Variants in ARMC2 observed in about 807,000 individuals in gnomAD.
ARMC2 encodes armadillo repeat containing 2, also known as armadillo repeat-containing protein 2.
ARMC2 carries 67 observed loss-of-function variants against 90.3 expected under a neutral mutation model. That is an observed-to-expected ratio of 0.74 (90% CI 0.61 to 0.91). The LOEUF is 0.91. Ranked by LOEUF, ARMC2 falls within the 40% of genes least tolerant of loss-of-function variation. ARMC2 has a pLI of 0.00. For synonymous variants in ARMC2, 393 were observed against 393.0 expected, an observed-to-expected ratio of 1.00 and a Z score of 0.00; for missense variants, 920 against 1,030.9, an observed-to-expected ratio of 0.89 and a Z score of 1.47.
chr6:108,979,120 G>A (rs558752238), downstream of ARMC2, among the ~76,000 whole-genome samples: 3 of 152,288 alleles, frequency 2.0e-5, no homozygotes, highest in South Asian at 6.2e-4. Context: ...TGTTTTTGCT[G>A]TGGCTGGTAC....
chr6:109,045,997 C>G, the ARMC2 span, among the ~76,000 whole-genome samples: 19 of 152,128 alleles, frequency 1.2e-4, no homozygotes, highest in African/African-American at 4.6e-4. Flanking sequence ...AATGAAAAAC[C>G]AATGCCTCAA....
At chr6:108,867,798 G>C (rs554870864) in intron 3 of ARMC2, among the ~76,000 whole-genome samples, 1 of 151,778 alleles carries the variant, frequency 6.6e-6, no homozygotes, top group Admixed American at 6.6e-5. Flanking sequence ...AGCTGGGTGT[G>C]GTGGCAAGCT....
intron 17 of ARMC2, among the ~76,000 whole-genome samples, chr6:108,967,699 T>C (rs1027733810): frequency 6.6e-6 from 1 of 152,198 alleles, no homozygotes; most frequent in African/African-American, 2.4e-5. Context: ...CGTGCTGTGA[T>C]TTTTATTTGT....
At chr6:108,937,128 GGCTGTCCTGGGAAGCAGT>G in intron 12 of ARMC2, 129 bp downstream of exon 12, 2 of 772,092 alleles carry the variant, frequency 2.6e-6, no homozygotes, top group Non-Finnish European at 4.0e-6. Flanking sequence ...ATGTATAATG[GGCTGTCCTGGGAAGCAGT>G]AAGTTACCTA....
In ARMC2 at chr6:108,901,098, ATTTTTTTTTTTTT is replaced by A. The variant is rs1173637475; in HGVS notation, c.847+1331_847+1343del. On this transcript the variant is annotated intron_variant, in intron 7 of 17. Transcript: ENST00000392644. ...GAAGCCTTCCTACAGGAAAGAAGGA[ATTTTTTTTTTTTT>A]TTTTTTTTTTTTTTTTTTTTTTTTG... 2.1e-3 allele frequency among the ~76,000 whole-genome samples: 124 copies of A among 59,360 alleles called. 1 individual carries two copies. The highest frequency in any genetic ancestry group is 7.9e-3 in the African/African-American group (112 of 14,236). The allele number at this position is 59,360 out of a possible 152,430, so 38.9% of individuals were successfully genotyped here.
At chr6:108,962,180 C>T in intron 15 of ARMC2, 53 bp downstream of exon 15, 1 of 1,395,274 alleles carries the variant, frequency 7.2e-7, no homozygotes. Flanking sequence ...CAATAATCAG[C>T]TGAGTGGTTT....
chr6:109,000,137 AG>A, the ARMC2 span: 11 of 160,824 alleles, frequency 6.8e-5, no homozygotes, highest in Admixed American at 2.0e-4. Context: ...GTTTAGGGGA[AG>A]GGGAAAGGGG....
chr6:109,010,332 T>G, the ARMC2 span, among the ~76,000 whole-genome samples: 1 of 152,216 alleles, frequency 6.6e-6, no homozygotes, highest in Non-Finnish European at 1.5e-5. Context: ...CCTGTGTCAG[T>G]ACTATTTCTT....
intron 12 of ARMC2, 89 bp downstream of exon 12, chr6:108,937,088 A>G: frequency 1.7e-6 from 2 of 1,167,574 alleles, no homozygotes; most frequent in Non-Finnish European, 1.2e-6. Context: ...TGTTTTGAGT[A>G]TATAGGTTTC....
chr6:108,883,432 T>C (rs562360439), intron 5 of ARMC2, among the ~76,000 whole-genome samples: 1 of 152,314 alleles, frequency 6.6e-6, no homozygotes, highest in Admixed American at 6.5e-5. Flanking sequence ...TCGTATTGGA[T>C]TAAAACTAAA....
At chr6:108,913,130 T>G (rs761316637) in intron 10 of ARMC2, among the ~76,000 whole-genome samples, 1 of 152,248 alleles carries the variant, frequency 6.6e-6, no homozygotes, top group Non-Finnish European at 1.5e-5. Flanking sequence ...TGTAGCAGAT[T>G]AAATTTCATA....
At chr6:108,893,463 C>G (rs180717961) in intron 5 of ARMC2, among the ~76,000 whole-genome samples, 6 of 152,092 alleles carry the variant, frequency 3.9e-5, no homozygotes, top group Non-Finnish European at 8.8e-5. Flanking sequence ...CTGCAGGGAT[C>G]GGGGAAGGGA....
intron 15 of ARMC2, among the ~76,000 whole-genome samples, chr6:108,963,347 G>A (rs1013358085): frequency 2.0e-5 from 3 of 152,112 alleles, no homozygotes; most frequent in Non-Finnish European, 4.4e-5. Context: ...GATACAAAAA[G>A]CAGCAGCAGC....
chr6:108,926,537 C>A (rs1009595529), intron 10 of ARMC2, among the ~76,000 whole-genome samples: 1 of 152,150 alleles, frequency 6.6e-6, no homozygotes, highest in African/African-American at 2.4e-5. Context: ...CCAGCCTGGC[C>A]AACATGGCGA....
At chr6:108,959,033 T>C (rs1337710092) in intron 13 of ARMC2, among the ~76,000 whole-genome samples, 1 of 152,206 alleles carries the variant, frequency 6.6e-6, no homozygotes, top group African/African-American at 2.4e-5. Context: ...AGAATCCATA[T>C]TGATAACCAA....
At chr6:109,048,929 C>T in the ARMC2 span, among the ~76,000 whole-genome samples, 1 of 152,148 alleles carries the variant, frequency 6.6e-6, no homozygotes, top group Admixed American at 6.6e-5. Context: ...TAAAACATAA[C>T]AATGGTTTCC....
Position 108,953,228 on chromosome 6 carries a change from T to A in ARMC2, c.1792T>A (p.Ser598Thr). Reference protein sequence around the residue: ...GEQHRAQRPPSEAEDVLIKLT... With the variant: ...GEQHRAQRPPTEAEDVLIKLT... ...GCAGCACAGGGCGCAGAGGCCGCCG[T>A]CAGAGGCAGAGGACGTGCTCATCAA... Residue 598 changes from serine to threonine, a missense_variant, in exon 13 of 18, where the codon TCA becomes ACA. Ser to Thr is a moderately conservative substitution (Grantham distance 58, BLOSUM62 1). Transcript: ENST00000392644. The A allele has an allele frequency of 6.2e-7, 1 of 1,613,884 alleles. No homozygotes were observed. The highest frequency in any genetic ancestry group is 8.5e-7 in the Non-Finnish European group (1 of 1,179,894).
In ARMC2 at chr6:108,854,330, C is replaced by G. The variant is rs1330903035; in HGVS notation, c.63C>G (p.Ser21=). ...KLDPFYQPSV[S]KQKTSAEIIS... is the part of the protein sequence containing the mutation. ...ATCCATTTTATCAACCTTCAGTGTCCAAGCAGAAGACCAGTGCAGAAATCA... is the reference window on the plus strand; with the variant it reads ...ATCCATTTTATCAACCTTCAGTGTCGAAGCAGAAGACCAGTGCAGAAATCA... Residue 21 remains serine (S), a synonymous_variant, in exon 2 of 18, where the codon TCC becomes TCG. Transcript: ENST00000392644. The G allele has an allele frequency of 6.2e-7, 1 of 1,612,066 alleles. No homozygotes were observed. The highest frequency in any genetic ancestry group is 2.2e-5 in the East Asian group (1 of 44,730).
At chr6:108,977,282 G>C (rs1779000285), downstream of ARMC2, among the ~76,000 whole-genome samples, 1 of 152,110 alleles carries the variant, frequency 6.6e-6, no homozygotes, top group Non-Finnish European at 1.5e-5. Flanking sequence ...CATTGGTTCT[G>C]TTTGTTATGG....
Sources: allele counts gnomAD v4.1 joint callset (sites outside exome capture counted in the v4.1 genomes callset), GRCh38; gene constraint gnomAD v4.1.1; transcripts MANE v1.5; gene names NCBI Gene and HGNC (gene_info 2026-07-23, HGNC 2026-07-21).